MED25: variants seen among roughly 807,000 people sequenced by gnomAD.
The protein encoded by MED25 is mediator complex subunit 25, also known as mediator of RNA polymerase II transcription subunit 25.
MED25 carries 62 observed loss-of-function variants against 89.4 expected under a neutral mutation model. The observed-to-expected ratio is 0.69, with a 90% confidence interval of 0.57 to 0.86. MED25 has a LOEUF of 0.86. Among genes scored for constraint, MED25 ranks in the 40% least tolerant of loss-of-function variants. The pLI is 0.00. For synonymous variants in MED25, 449 were observed against 427.9 expected (o/e 1.05, Z -0.61); for missense variants, 905 against 1,005.2 (o/e 0.90, Z 1.35).
In MED25 at chr19:49,836,486, T is replaced by C; in HGVS notation, c.2146+80T>C. The C allele has an allele frequency of 6.7e-7, 1 of 1,484,276 alleles. No individual in the cohort carries two copies. Among genetic ancestry groups the C allele is most frequent in the Non-Finnish European group, 9.2e-7 (1 of 1,086,850 alleles). 91.9% of individuals were successfully genotyped at this position (1,484,276 alleles called of 1,614,324 possible). On this transcript the variant is annotated intron_variant, in intron 17 of 17. Coordinates refer to ENST00000312865, the MANE Select transcript of MED25 (RefSeq NM_030973.4). This position sits in a 1 kb window ranked among gnomAD's most constrained non-coding sequence, Gnocchi z 5.1. ...GGGCTAGAGCACCAAGACCGAGTGC[T>C]CCTGGGAAGTAAAGACATAGGATCC...
intron 4 of MED25, 133 bp from the exon 5 acceptor site, chr19:49,828,837 C>T: frequency 6.6e-7 from 1 of 1,514,126 alleles, no homozygotes; most frequent in Non-Finnish European, 8.9e-7. Flanking sequence ...TCAGTGTTCT[C>T]AGCTGTAAAG....
intron 3 of MED25, among the ~76,000 whole-genome samples, chr19:49,821,981 T>G (rs2073985644): frequency 6.7e-6 from 1 of 148,858 alleles, no homozygotes; most frequent in South Asian, 2.1e-4. Flanking sequence ...ATACAAAAAT[T>G]GGGCAGGCGT....
At position 49,828,994 on chromosome 19, in the gene MED25, C is replaced by T. The variant is rs1194841973; in HGVS notation, c.429C>T (p.Leu143=). The change falls in exon 5 of 18, where the codon CTC becomes CTT. Residue 143 remains leucine (L), a synonymous_variant. Transcript: ENST00000312865. The part of the protein sequence containing the change: ...EQIGQTHRVC[L]LICNSPPYLL... ...GTGGCCAGACGCACCGGGTCTGCCT[C>T]CTCATCTGCAACTCACCCCCATACT... The T allele has an allele frequency of 1.9e-6, 3 of 1,614,134 alleles. No individual in the cohort carries two copies. Among genetic ancestry groups the T allele is most frequent in the African/African-American group, 1.3e-5 (1 of 75,034 alleles).
chr19:49,837,622 G>A (rs2074108783), downstream of MED25, among the ~76,000 whole-genome samples: 1 of 152,148 alleles, frequency 6.6e-6, no homozygotes, highest in African/African-American at 2.4e-5. Context: ...GGGTGGTGGC[G>A]GTGTCGGGGG....
Position 49,818,553 on chromosome 19 carries a change from C to G in MED25, c.135-18C>G. ...AGTTTCTTGCCTGACTCCGACCTTT[C>G]ACTTCCTACCCTCACAGGTATTTTA... On this transcript the variant is annotated intron_variant, in intron 1 of 17. Coordinates refer to ENST00000312865, the MANE Select transcript of MED25 (RefSeq NM_030973.4). 5 of 1,614,248 alleles carry G rather than the reference C, an allele frequency of 3.1e-6. No homozygotes were observed. The highest frequency in any genetic ancestry group is 4.2e-6 in the Non-Finnish European group (5 of 1,180,046).
intron 3 of MED25, among the ~76,000 whole-genome samples, chr19:49,824,783 G>A (rs757126729): frequency 2.0e-5 from 3 of 152,194 alleles, no homozygotes; most frequent in African/African-American, 7.2e-5. Flanking sequence ...TAGTTTGCCT[G>A]GGTGACAGGC....
At position 49,835,903 on chromosome 19, in the gene MED25, G is replaced by A. The variant is rs1277054546; in HGVS notation, c.1923G>A (p.Gly641=). Residue 641 remains glycine, a synonymous_variant, in exon 16 of 18, where the codon GGG becomes GGA. Transcript: ENST00000312865. The surrounding 1 kb of genome is among the most constrained non-coding windows in gnomAD (Gnocchi z 6.2). ...CCATCCTTCGGCCCCAGAACCCTGGGGCCAACCCTCAGCTGCGAAGCCTCC... is the reference window on the plus strand; with the variant it reads ...CCATCCTTCGGCCCCAGAACCCTGGAGCCAACCCTCAGCTGCGAAGCCTCC... ...PGPILRPQNP[G]ANPQLRSLLL... 6.2e-7 allele frequency: 1 copy of A among 1,612,706 alleles called. No homozygotes were observed. The highest frequency in any genetic ancestry group is 8.5e-7 in the Non-Finnish European group (1 of 1,179,952).
At chr19:49,824,896 G>A (rs989988915) in intron 3 of MED25, among the ~76,000 whole-genome samples, 1 of 152,190 alleles carries the variant, frequency 6.6e-6, no homozygotes, top group Non-Finnish European at 1.5e-5. Context: ...GCGGGCAGCA[G>A]AGACCCCGGG....
chr19:49,835,454 C>G lies in MED25; in HGVS notation c.1675-80C>G. The stretch of plus-strand genomic sequence containing the variant: ...TGTCCCCATCTCCTTACTAGTTCCC[C>G]TCAGGGCACAGGCCCTCCCGCCTCA... On this transcript the variant is annotated intron_variant, in intron 14 of 17. Transcript: ENST00000312865. The surrounding 1 kb of genome is among the most constrained non-coding windows in gnomAD (Gnocchi z 6.2). 7.2e-7 allele frequency: 1 copy of G among 1,389,392 alleles called. No individual in the cohort carries two copies. Among genetic ancestry groups the G allele is most frequent in the Non-Finnish European group, 9.7e-7 (1 of 1,027,376 alleles). 86.1% of individuals were successfully genotyped at this position (1,389,392 alleles called of 1,614,324 possible).
intron 3 of MED25, among the ~76,000 whole-genome samples, chr19:49,820,306 G>A (rs1163015544): frequency 2.0e-5 from 3 of 152,212 alleles, no homozygotes; most frequent in Non-Finnish European, 2.9e-5. Context: ...TTACAGTGGC[G>A]TGACAGCAGG....
rs1464342550 is a variant in MED25, at chr19:49,836,227, C to T, written c.1967C>T (p.Pro656Leu). 1.4e-5 allele frequency: 23 copies of T among 1,612,006 alleles called. No individual in the cohort carries two copies. The highest frequency in any genetic ancestry group is 1.7e-5 in the Admixed American group (1 of 59,990). The change falls in exon 17 of 18, where the codon CCG becomes CTG. Residue 656 changes from proline to leucine, a missense_variant and splice_region_variant. By Grantham distance (98) the Pro-to-Leu change is moderately conservative. This residue lies in a region of MED25 where 271 missense variants were observed against 258.1 expected (regional missense o/e 1.05). Transcript: ENST00000312865. The surrounding 1 kb of genome is among the most constrained non-coding windows in gnomAD (Gnocchi z 5.1). Reference protein sequence around the residue: ...LRSLLLNPPPPQTGVPPPQAS... With the variant: ...LRSLLLNPPPLQTGVPPPQAS... ...GAGCCACTCTCTGTGTTCTCCCAGC[C>T]GCAGACTGGGGTGCCCCCACCCCAG...
rs757384751 is a variant in MED25, at chr19:49,835,939, A to C, written c.1959A>C (p.Pro653=). The part of the protein sequence containing the change: ...NPQLRSLLLN[P]PPPQTGVPPP... ...AGCTGCGAAGCCTCCTCCTCAACCC[A>C]CCACCGGTGAGATGTTGGGGTGGGG... is the stretch of plus-strand genomic sequence containing the variant. Residue 653 remains proline, a synonymous_variant, in exon 16 of 18, where the codon CCA becomes CCC. Coordinates refer to ENST00000312865, the MANE Select transcript of MED25 (RefSeq NM_030973.4). This position sits in a 1 kb window ranked among gnomAD's most constrained non-coding sequence, Gnocchi z 6.2. 1 of 1,612,002 alleles carries C rather than the reference A, an allele frequency of 6.2e-7. No homozygotes were observed. The highest frequency in any genetic ancestry group is 8.5e-7 in the Non-Finnish European group (1 of 1,179,718).
rs980018976 is a variant in MED25, at chr19:49,830,885, A to G, written c.1099A>G (p.Met367Val). ...CACGGCACAGCCCGGGGCACCGTCC[A>G]TGGTAGGTGCCTGCACGCCTCCTGC... ...APTAQPGAPS[M>V]AGTVAPGGVS... The change falls in exon 9 of 18, where the codon ATG (methionine) becomes GTG (valine). Residue 367 changes from methionine (M) to valine (V), a missense_variant and splice_region_variant. Around this residue, in one of 3 missense-constraint regions of MED25, gnomAD observed 501 missense variants for 526.9 expected, o/e 0.95. Coordinates refer to ENST00000312865, the MANE Select transcript of MED25 (RefSeq NM_030973.4). This position sits in a 1 kb window ranked among gnomAD's most constrained non-coding sequence, Gnocchi z 4.6. 6.2e-6 allele frequency: 10 copies of G among 1,604,700 alleles called. No homozygotes were observed. Among genetic ancestry groups the G allele is most frequent in the Admixed American group, 1.7e-5 (1 of 59,924 alleles).
chr19:49,825,902 C>A (rs947022709), intron 3 of MED25, among the ~76,000 whole-genome samples: 4 of 151,894 alleles, frequency 2.6e-5, no homozygotes, highest in African/African-American at 9.7e-5. Flanking sequence ...ATTCCCCCAT[C>A]CCCCCATCCC....
chr19:49,832,416 G>T lies in MED25; in HGVS notation c.1482+1G>T. The T allele has an allele frequency of 6.4e-7, 1 of 1,556,642 alleles. No homozygotes were observed. The highest frequency in any genetic ancestry group is 1.4e-5 in the African/African-American group (1 of 73,810). ...CTACCGCATCATGGGCAACGGCTTC[G>T]TGAGTCCAGGGCATGGGGGGCCGAG... On this transcript the variant is annotated splice_donor_variant, in intron 13 of 17. Transcript: ENST00000312865. LOFTEE classifies it high-confidence loss of function.
At chr19:49,840,334 A>G (rs1231973753), downstream of MED25, 1 of 152,194 alleles carries the variant, frequency 6.6e-6, no homozygotes, top group African/African-American at 2.4e-5. Flanking sequence ...CCATGTTTGT[A>G]TTATGTTCCA....
At chr19:49,828,945 C>G (rs938974490) in intron 4 of MED25, 25 bp from the exon 5 acceptor site, 8 of 1,613,640 alleles carry the variant, frequency 5.0e-6, no homozygotes, top group Non-Finnish European at 5.9e-6. Flanking sequence ...GCTGCTGGCT[C>G]CATGTCTTCT....
In MED25 at chr19:49,836,342, A is replaced by G. The variant is rs2074098068; in HGVS notation, c.2082A>G (p.Pro694=). ...TGGGGCAGCCCCAGTTGGGGCCCCCACTCCTGCATCCACCACCTGCCCAGT... is the reference window on the plus strand; with the variant it reads ...TGGGGCAGCCCCAGTTGGGGCCCCCGCTCCTGCATCCACCACCTGCCCAGT... ...QGLGQPQLGP[P]LLHPPPAQSW... The change falls in exon 17 of 18, where the codon CCA becomes CCG. Residue 694 remains proline (P), a synonymous_variant. Coordinates refer to ENST00000312865, the MANE Select transcript of MED25 (RefSeq NM_030973.4). This position sits in a 1 kb window ranked among gnomAD's most constrained non-coding sequence, Gnocchi z 5.1. 6.2e-7 allele frequency: 1 copy of G among 1,608,648 alleles called. No homozygotes were observed. The highest frequency in any genetic ancestry group is 1.7e-5 in the Admixed American group (1 of 59,642).
In MED25 at chr19:49,828,559, C is replaced by G; in HGVS notation, c.404+12C>G. On this transcript the variant is annotated intron_variant, in intron 4 of 17. Transcript: ENST00000312865. ...ATGCGCGAGCAGATGTGAGTGCCCC[C>G]TCCACCCAGGCCGGGCCGGTCTCTC... is the stretch of plus-strand genomic sequence containing the variant. The G allele has an allele frequency of 6.2e-7, 1 of 1,604,892 alleles. No homozygotes were observed. The highest frequency in any genetic ancestry group is 8.5e-7 in the Non-Finnish European group (1 of 1,171,626).
Sources: allele counts gnomAD v4.1 joint callset (sites outside exome capture counted in the v4.1 genomes callset), GRCh38; gene constraint gnomAD v4.1.1; regional missense constraint gnomAD v4.1.1; non-coding constraint Gnocchi (gnomAD v3.1); transcripts MANE v1.5; gene names NCBI Gene and HGNC (gene_info 2026-07-23, HGNC 2026-07-21).